The following CLSTN1 variants were observed in gnomAD, a reference collection of about 807,000 sequenced individuals.
CLSTN1 encodes calsyntenin-1.
CLSTN1 carries 28 observed loss-of-function variants against 108.3 expected under a neutral mutation model. The ratio of observed to expected loss-of-function variants is 0.26; its 90% CI spans 0.19 to 0.35. The LOEUF (loss-of-function observed/expected upper bound fraction) is 0.35. CLSTN1 is among the 10% of genes least tolerant of loss of function. The probability of loss-of-function intolerance (pLI) is 1.00; values close to 1 mark genes in which losing one functional copy is unlikely to be tolerated. For missense variants in CLSTN1, 1,157 were observed against 1,302.6 expected (o/e 0.89, Z 1.72); for synonymous variants, 524 against 534.9 (o/e 0.98, Z 0.28).
intron 7 of CLSTN1, among the ~76,000 whole-genome samples, chr1:9,747,176 C>CAAAAAA (rs70998306): frequency 3.1e-5 from 1 of 32,744 alleles, no homozygotes; most frequent in Non-Finnish European, 7.2e-5. Context: ...GAGACTGTCT[C>CAAAAAA]AAAAAAAAAA....
chr1:9,749,420 C>T, intron 7 of CLSTN1, 41 bp downstream of exon 7: 2 of 1,566,938 alleles, frequency 1.3e-6, no homozygotes, highest in Non-Finnish European at 1.7e-6. Flanking sequence ...CTCCCACCTT[C>T]ACCAAAGCCA....
chr1:9,729,612 C>G lies in CLSTN1; in HGVS notation c.*896G>C, dbSNP rs1570424946. On this transcript the variant is annotated 3_prime_UTR_variant, in exon 19 of 19. Transcript: ENST00000377298. ...CTCCTTTTACCAGCAGGAAAATGTACATTTAAGCATAAACCACAAGGCTGC... is the reference window on the plus strand; with the variant it reads ...CTCCTTTTACCAGCAGGAAAATGTAGATTTAAGCATAAACCACAAGGCTGC... 1 of 152,494 alleles carries G rather than the reference C, an allele frequency of 6.6e-6. No individual in the cohort carries two copies. The highest frequency in any genetic ancestry group is 1.5e-5 in the Non-Finnish European group (1 of 68,082). 9.4% of individuals were successfully genotyped at this position (152,494 alleles called of 1,614,324 possible).
chr1:9,777,529 C>A (rs1570480809), intron 1 of CLSTN1, among the ~76,000 whole-genome samples: 1 of 150,838 alleles, frequency 6.6e-6, no homozygotes, highest in African/African-American at 2.4e-5. Flanking sequence ...TCTCAAAAAA[C>A]AACGACGACA....
chr1:9,787,345 A>G (rs966374641), intron 1 of CLSTN1, among the ~76,000 whole-genome samples: 2 of 151,250 alleles, frequency 1.3e-5, no homozygotes, highest in African/African-American at 2.4e-5. Flanking sequence ...CAGAACCTGC[A>G]AAGTAATCCT....
intron 1 of CLSTN1, among the ~76,000 whole-genome samples, chr1:9,776,601 A>T (rs1652955183): frequency 6.6e-6 from 1 of 152,186 alleles, no homozygotes; most frequent in Admixed American, 6.6e-5. Context: ...ACAAAAGCCA[A>T]GTAACAAGCC....
Position 9,731,832 on chromosome 1 carries a change from A to C in CLSTN1, c.2492T>G (p.Phe831Cys). 1 of 1,614,138 alleles carries C rather than the reference A, an allele frequency of 6.2e-7. No homozygotes were observed. Among genetic ancestry groups the C allele is most frequent in the South Asian group, 1.1e-5 (1 of 91,090 alleles). Reference sequence around the variant, plus strand: ...AAAGGAGCGGTGTTCCGGGTGCACGAACTGTGGCTGGGCAGCCATGTGGTT... The same window carrying C: ...AAAGGAGCGGTGTTCCGGGTGCACGCACTGTGGCTGGGCAGCCATGTGGTT... Reference protein sequence around the residue: ...HANHMAAQPQFVHPEHRSFVD... With the variant: ...HANHMAAQPQCVHPEHRSFVD... The change falls in exon 17 of 19, where the codon TTC becomes TGC. Residue 831 changes from phenylalanine to cysteine, a missense_variant. Phe to Cys is a radical substitution (Grantham distance 205, BLOSUM62 -2). Transcript: ENST00000377298.
At chr1:9,742,118 C>T (rs781699367) in intron 9 of CLSTN1, among the ~76,000 whole-genome samples, 5 of 152,092 alleles carry the variant, frequency 3.3e-5, no homozygotes, top group Non-Finnish European at 5.9e-5. Flanking sequence ...TTATCTGGGT[C>T]GTAACTCAAA....
intron 1 of CLSTN1, among the ~76,000 whole-genome samples, chr1:9,777,431 G>A (rs1484704126): frequency 1.3e-5 from 2 of 151,482 alleles, no homozygotes; most frequent in Admixed American, 6.6e-5. Context: ...GCTGAGGCAG[G>A]AGAATCACTT....
In CLSTN1 at chr1:9,792,272, G is replaced by A. The variant is rs146926714; in HGVS notation, c.92-18878C>T. On this transcript the variant is annotated intron_variant, in intron 1 of 18. Coordinates refer to ENST00000377298, the MANE Select transcript of CLSTN1 (RefSeq NM_001009566.3). The stretch of plus-strand genomic sequence containing the variant: ...AAGCAGCAAGTGTAACAGCAATGCC[G>A]GTATTCCACACTGACTTCCATCCTG... Among the ~76,000 whole-genome samples the A allele has an allele frequency of 6.9e-4, 104 of 151,382 alleles. 1 individual carries two copies. Among genetic ancestry groups the A allele is most frequent in the African/African-American group, 2.2e-3 (91 of 41,474 alleles).
In CLSTN1 at chr1:9,762,287, C is replaced by T. The variant is rs192082599; in HGVS notation, c.215-5777G>A. Among the ~76,000 whole-genome samples the T allele has an allele frequency of 4.8e-3, 728 of 152,112 alleles. 3 individuals carry two copies. Among genetic ancestry groups the T allele is most frequent in the African/African-American group, 0.016 (654 of 41,516 alleles). On this transcript the variant is annotated intron_variant, in intron 2 of 18. Transcript: ENST00000377298. ...GACCAGCCTGGTCAACATGGTGAAA[C>T]CCGTCTCTACTAAAAATACAAAAAT...
chr1:9,739,790 G>A (rs1268440436), intron 10 of CLSTN1, among the ~76,000 whole-genome samples: 1 of 150,630 alleles, frequency 6.6e-6, no homozygotes, highest in Non-Finnish European at 1.5e-5. Context: ...TCACTCTGTT[G>A]CTCGGGCTGG....
At chr1:9,782,419 A>G (rs1317667318) in intron 1 of CLSTN1, among the ~76,000 whole-genome samples, 1 of 152,194 alleles carries the variant, frequency 6.6e-6, no homozygotes, top group Non-Finnish European at 1.5e-5. Flanking sequence ...TGGTTATTTA[A>G]TAAGTTATTA....
intron 1 of CLSTN1, among the ~76,000 whole-genome samples, chr1:9,803,754 A>G (rs1654385855): frequency 1.3e-5 from 2 of 152,104 alleles, no homozygotes; most frequent in Non-Finnish European, 2.9e-5. Flanking sequence ...AGTGAGCAAG[A>G]TCACACCACT....
chr1:9,744,357 A>G (rs1300556986), intron 8 of CLSTN1, 38 bp downstream of exon 8: 1 of 1,576,612 alleles, frequency 6.3e-7, no homozygotes, highest in African/African-American at 1.3e-5. Flanking sequence ...CCTACTGGAC[A>G]CTGGGGCCTG....
chr1:9,751,509 T>C lies in CLSTN1; in HGVS notation c.613A>G (p.Ile205Val), dbSNP rs530164655. The C allele has an allele frequency of 6.8e-6, 11 of 1,614,044 alleles. No homozygotes were observed. Among genetic ancestry groups the C allele is most frequent in the Non-Finnish European group, 8.5e-6 (10 of 1,180,038 alleles). ...QFSQICSYEI[I>V]TPDVPFTVDK... The stretch of plus-strand genomic sequence containing the variant: ...ACAGTAAAGGGCACGTCTGGAGTGA[T>C]GATTTCGTAGCTGCAAATCTGGCTG... Residue 205 changes from isoleucine to valine, a missense_variant, in exon 5 of 19, where the codon ATC (isoleucine) becomes GTC (valine). Ile to Val is a conservative substitution (Grantham distance 29, BLOSUM62 3). Coordinates refer to ENST00000377298, the MANE Select transcript of CLSTN1 (RefSeq NM_001009566.3).
At chr1:9,811,314 A>C (rs1346556033) in intron 1 of CLSTN1, among the ~76,000 whole-genome samples, 1 of 152,182 alleles carries the variant, frequency 6.6e-6, no homozygotes, top group African/African-American at 2.4e-5. Context: ...TTTTCTATTC[A>C]AGGCTCTGAA....
At position 9,730,141 on chromosome 1, in the gene CLSTN1, T is replaced by C. The variant is rs1309404993; in HGVS notation, c.*367A>G. 1.6e-5 allele frequency: 5 copies of C among 310,788 alleles called. No individual in the cohort carries two copies. Among genetic ancestry groups the C allele is most frequent in the Non-Finnish European group, 2.4e-5 (4 of 165,460 alleles). The allele number at this position is 310,788 out of a possible 1,614,324, so 19.3% of individuals were successfully genotyped here. On this transcript the variant is annotated 3_prime_UTR_variant, in exon 19 of 19. Coordinates refer to ENST00000377298, the MANE Select transcript of CLSTN1 (RefSeq NM_001009566.3). This position sits in a 1 kb window ranked among gnomAD's most constrained non-coding sequence, Gnocchi z 5.6. ...AATGATTACCGGGTGGGAGTGAGCATGTTTTACCCTTTGTCAACGAGCCCA... is the reference window on the plus strand; with the variant it reads ...AATGATTACCGGGTGGGAGTGAGCACGTTTTACCCTTTGTCAACGAGCCCA...
intron 1 of CLSTN1, among the ~76,000 whole-genome samples, chr1:9,797,299 G>C (rs1654053356): frequency 6.6e-6 from 1 of 152,072 alleles, no homozygotes; most frequent in East Asian, 1.9e-4. Flanking sequence ...GAAAGAAAAG[G>C]TGGGGAGAGG....
intron 10 of CLSTN1, among the ~76,000 whole-genome samples, chr1:9,739,628 G>C (rs1650868595): frequency 6.6e-6 from 1 of 152,068 alleles, no homozygotes; most frequent in African/African-American, 2.4e-5. Context: ...AGGATCTCTT[G>C]AGCCCAGGAG....
Sources: allele counts gnomAD v4.1 joint callset (sites outside exome capture counted in the v4.1 genomes callset), GRCh38; gene constraint gnomAD v4.1.1; non-coding constraint Gnocchi (gnomAD v3.1); transcripts MANE v1.5; gene names NCBI Gene and HGNC (gene_info 2026-07-23, HGNC 2026-07-21).